Variants in CCDC34 observed in about 807,000 individuals in gnomAD.
CCDC34 encodes the protein coiled-coil domain containing 34.
In CCDC34, 40 loss-of-function variants were observed where a neutral mutation model predicts 44.1. The ratio of observed to expected loss-of-function variants is 0.91; its 90% CI spans 0.70 to 1.18. CCDC34 has a LOEUF of 1.18. Ranked by LOEUF, CCDC34 falls within the 50% of genes most tolerant of loss-of-function variation. The pLI, the probability that CCDC34 is intolerant of heterozygous loss-of-function variation, is 0.00. For missense variants in CCDC34, 466 were observed against 452.3 expected (o/e 1.03, Z -0.28); for synonymous variants, 159 against 158.2 (o/e 1.01, Z -0.04).
chr11:27,347,778 G>A (rs1304509741), intron 3 of CCDC34, among the ~76,000 whole-genome samples: 1 of 152,068 alleles, frequency 6.6e-6, no homozygotes, highest in Non-Finnish European at 1.5e-5. Flanking sequence ...GAAACTCTCT[G>A]GGGTGATGGA....
chr11:27,361,870 C>T (rs767261822), intron 1 of CCDC34, among the ~76,000 whole-genome samples: 2 of 151,952 alleles, frequency 1.3e-5, no homozygotes, highest in African/African-American at 4.8e-5. Flanking sequence ...AAATGATTTC[C>T]GAAGAAAACG....
intron 2 of CCDC34, among the ~76,000 whole-genome samples, chr11:27,354,485 C>G (rs1458182228): frequency 6.6e-6 from 1 of 152,156 alleles, no homozygotes; most frequent in Non-Finnish European, 1.5e-5. Flanking sequence ...TATCCTCCCC[C>G]TTTCACTGAT....
chr11:27,352,152 G>C (rs1424715248), intron 2 of CCDC34, among the ~76,000 whole-genome samples: 2 of 152,174 alleles, frequency 1.3e-5, no homozygotes, highest in Non-Finnish European at 2.9e-5. Context: ...GGAAGCTGAA[G>C]CGGATGGATC....
At chr11:27,362,633 G>A (rs562386600) in intron 1 of CCDC34, among the ~76,000 whole-genome samples, 1 of 152,234 alleles carries the variant, frequency 6.6e-6, no homozygotes, top group Admixed American at 6.5e-5. Context: ...CAGGAAAAAA[G>A]GATTAAGAGC....
intron 3 of CCDC34, among the ~76,000 whole-genome samples, chr11:27,342,905 T>C (rs998482700): frequency 2.6e-5 from 4 of 152,158 alleles, no homozygotes; most frequent in African/African-American, 9.7e-5. Context: ...TGGAAACAAA[T>C]CTGGAAGGCA....
chr11:27,350,346 T>G lies in CCDC34; in HGVS notation c.592A>C (p.Lys198Gln), dbSNP rs1448636398. 1.9e-6 allele frequency: 3 copies of G among 1,614,060 alleles called. No homozygotes were observed. Among genetic ancestry groups the G allele is most frequent in the Non-Finnish European group, 1.7e-6 (2 of 1,179,990 alleles). The stretch of plus-strand genomic sequence containing the variant: ...CCCCTCCTTACTTGCTCATTCTTTT[T>G]CTGAACCCATTCCTTGTGCTTTTCT... The part of the protein sequence containing the change: ...AEEKHKEWVQ[K>Q]KNEQKRKERE... The change falls in exon 3 of 6, where the codon AAA (lysine) becomes CAA (glutamine). Residue 198 changes from lysine to glutamine, a missense_variant. Physicochemically the swap from Lys to Gln is moderately conservative, Grantham distance 53 (BLOSUM62 1). Transcript: ENST00000328697.
intron 3 of CCDC34, chr11:27,350,033 T>C: frequency 8.1e-7 from 1 of 1,236,798 alleles, no homozygotes; most frequent in South Asian, 3.8e-5. Flanking sequence ...TGTTTTAGAT[T>C]TGCAGACTTG....
At position 27,357,402 on chromosome 11, in the gene CCDC34, C is replaced by T. The variant is rs768759531; in HGVS notation, c.498+1G>A. On this transcript the variant is annotated splice_donor_variant, in intron 2 of 5. Transcript: ENST00000328697. LOFTEE classifies it high-confidence loss of function. ...ATAAAAAGAACACTGTCTAGTTTTA[C>T]CTCTAGAGCTTTCAGTTGCAGCCGG... 23 of 1,613,266 alleles carry T rather than the reference C, an allele frequency of 1.4e-5. No homozygotes were observed. Among genetic ancestry groups the T allele is most frequent in the Admixed American group, 1.7e-5 (1 of 59,964 alleles).
intron 5 of CCDC34, among the ~76,000 whole-genome samples, chr11:27,339,382 G>A (rs1862322076): frequency 6.6e-6 from 1 of 152,046 alleles, no homozygotes; most frequent in South Asian, 2.1e-4. Flanking sequence ...CTCAGTCTGG[G>A]AAACTACTGA....
At chr11:27,346,147 G>C (rs962022496) in intron 3 of CCDC34, among the ~76,000 whole-genome samples, 1 of 151,786 alleles carries the variant, frequency 6.6e-6, no homozygotes, top group Non-Finnish European at 1.5e-5. Context: ...GCTTCTTCTT[G>C]TTAGTGAAAA....
intron 3 of CCDC34, among the ~76,000 whole-genome samples, chr11:27,347,130 C>A (rs1862445492): frequency 6.6e-6 from 1 of 152,158 alleles, no homozygotes; most frequent in East Asian, 1.9e-4. Flanking sequence ...ATCATCAGAT[C>A]TCAGGGAAAT....
rs146914781 is a variant in CCDC34, at chr11:27,358,001, A to G, written c.360-460T>C. ...AGAATAATAGAGCAAACATGTAACA[A>G]TTAGGGACTGTGGGTGAAGGGTAAA... is the stretch of plus-strand genomic sequence containing the variant. On this transcript the variant is annotated intron_variant, in intron 1 of 5. Coordinates refer to ENST00000328697, the MANE Select transcript of CCDC34 (RefSeq NM_030771.2). 3.0e-3 allele frequency among the ~76,000 whole-genome samples: 458 copies of G among 152,370 alleles called. 7 individuals are homozygous for G. Among genetic ancestry groups the G allele is most frequent in the African/African-American group, 0.01 (421 of 41,582 alleles).
intron 5 of CCDC34, 97 bp downstream of exon 5, chr11:27,340,599 A>G: frequency 2.4e-6 from 3 of 1,259,378 alleles, no homozygotes; most frequent in Non-Finnish European, 3.2e-6. Flanking sequence ...AATTTGAAAG[A>G]AAAATAATTT....
intron 3 of CCDC34, among the ~76,000 whole-genome samples, chr11:27,344,584 C>G (rs1298975299): frequency 6.6e-6 from 1 of 151,330 alleles, no homozygotes; most frequent in Non-Finnish European, 1.5e-5. Flanking sequence ...GGCAAGATAA[C>G]TGCCCTCATC....
intron 2 of CCDC34, among the ~76,000 whole-genome samples, chr11:27,354,737 G>C (rs1041951158): frequency 6.8e-6 from 1 of 147,338 alleles, no homozygotes. Context: ...GCGTGGTAGC[G>C]TGTGCCTACA....
chr11:27,351,341 G>C (rs1862501241), intron 2 of CCDC34, among the ~76,000 whole-genome samples: 1 of 152,112 alleles, frequency 6.6e-6, no homozygotes, highest in South Asian at 2.1e-4. Flanking sequence ...CCAACCCTCA[G>C]ACTAATTCCA....
At chr11:27,359,057 CCTTACAACCACCAT>C (rs1862621280) in intron 1 of CCDC34, among the ~76,000 whole-genome samples, 1 of 149,446 alleles carries the variant, frequency 6.7e-6, no homozygotes, top group African/African-American at 2.5e-5. Flanking sequence ...TTTCCTCCAA[CCTTACAACCACCAT>C]CTGGACAAAA....
chr11:27,352,009 G>T (rs1329989085), intron 2 of CCDC34, among the ~76,000 whole-genome samples: 1 of 152,158 alleles, frequency 6.6e-6, no homozygotes, highest in South Asian at 2.1e-4. Flanking sequence ...GCTGAAGACT[G>T]CATTTGAAGG....
intron 1 of CCDC34, among the ~76,000 whole-genome samples, chr11:27,357,866 T>C (rs914530603): frequency 6.6e-6 from 1 of 152,164 alleles, no homozygotes; most frequent in African/African-American, 2.4e-5. Context: ...CTTACCTGGA[T>C]AACTAATTAC....
Sources: allele counts gnomAD v4.1 joint callset (sites outside exome capture counted in the v4.1 genomes callset), GRCh38; gene constraint gnomAD v4.1.1; transcripts MANE v1.5; gene names NCBI Gene and HGNC (gene_info 2026-07-23, HGNC 2026-07-21).